EXOC1: variants seen among roughly 807,000 people sequenced by gnomAD.
EXOC1 encodes the protein SEC3-like 1.
Under a neutral mutation model 107.7 loss-of-function variants are expected in EXOC1, and 67 were observed. The observed-to-expected ratio is 0.62, with a 90% CI of 0.51 to 0.76. The LOEUF (loss-of-function observed/expected upper bound fraction) is 0.76. Ranked by LOEUF, EXOC1 falls within the 30% of genes least tolerant of loss-of-function variation. The pLI is 0.00. For missense variants in EXOC1, 833 were observed against 1,055.7 expected (o/e 0.79, Z 2.92); for synonymous variants, 348 against 353.5 (o/e 0.98, Z 0.17).
chr4:55,884,872 G>A (rs982962773), intron 10 of EXOC1, among the ~76,000 whole-genome samples: 1 of 152,090 alleles, frequency 6.6e-6, no homozygotes, highest in African/African-American at 2.4e-5. Flanking sequence ...TCATTAATGG[G>A]TAATTATTCT....
At chr4:55,899,992 C>T (rs17086138) in intron 17 of EXOC1, 108 bp downstream of exon 17, 61,091 of 879,296 alleles carry the variant, frequency 0.069, 2,430 homozygotes, top group Non-Finnish European at 0.077. Flanking sequence ...TGTGTTGGTG[C>T]ACAGGGGACT....
chr4:55,891,098 T>C (rs1724492872), intron 12 of EXOC1, among the ~76,000 whole-genome samples: 1 of 152,184 alleles, frequency 6.6e-6, no homozygotes, highest in Non-Finnish European at 1.5e-5. Context: ...GTGAGTTTTA[T>C]TTTAGGTTTA....
At chr4:55,884,861 G>C (rs1294205043) in intron 10 of EXOC1, among the ~76,000 whole-genome samples, 8 of 152,146 alleles carry the variant, frequency 5.3e-5, no homozygotes, top group Non-Finnish European at 8.8e-5. Flanking sequence ...AGAGAAGACT[G>C]TCATTAATGG....
chr4:55,868,363 G>C lies in EXOC1; in HGVS notation c.443G>C (p.Ser148Thr), dbSNP rs1423309510. The change falls in exon 5 of 19, where the codon AGT becomes ACT. Residue 148 changes from serine to threonine, a missense_variant. Physicochemically the swap from Ser to Thr is moderately conservative, Grantham distance 58. Around this residue, in one of 2 missense-constraint regions of EXOC1, gnomAD observed 617 missense variants for 701.3 expected, o/e 0.88. Coordinates refer to ENST00000381295, the MANE Select transcript of EXOC1 (RefSeq NM_001024924.2). The stretch of plus-strand genomic sequence containing the variant: ...TCTGTTCCAAGTGGAGAAAATCAGA[G>C]TGTGACAGGAGGTGATGAAGAAGTA... ...EESVPSGENQ[S>T]VTGGDEEVVD... The C allele has an allele frequency of 6.2e-7, 1 of 1,612,576 alleles. No individual in the cohort carries two copies. The highest frequency in any genetic ancestry group is 1.3e-5 in the African/African-American group (1 of 74,834).
chr4:55,864,757 T>G (rs527929233), intron 4 of EXOC1, among the ~76,000 whole-genome samples: 25 of 152,230 alleles, frequency 1.6e-4, no homozygotes, highest in Non-Finnish European at 2.8e-4. Context: ...AACATTATTT[T>G]CAGTAGCACC....
intron 10 of EXOC1, 191 bp from the exon 11 acceptor site, chr4:55,888,697 C>G: frequency 1.9e-6 from 1 of 530,782 alleles, no homozygotes. Context: ...AAAGTTTTTT[C>G]TCTCATATAA....
chr4:55,874,273 A>C (rs1453212134), intron 8 of EXOC1, among the ~76,000 whole-genome samples: 1 of 152,186 alleles, frequency 6.6e-6, no homozygotes, highest in Non-Finnish European at 1.5e-5. Flanking sequence ...ATTGATTCTC[A>C]GTCTTTTTAA....
chr4:55,890,447 G>T, intron 12 of EXOC1, 61 bp downstream of exon 12: 1 of 1,499,828 alleles, frequency 6.7e-7, no homozygotes. Context: ...AGCAGTTTGT[G>T]GTTGCTCTAA....
chr4:55,860,637 A>G (rs1209348539), intron 3 of EXOC1, 96 bp downstream of exon 3: 27 of 1,412,114 alleles, frequency 1.9e-5, no homozygotes, highest in Middle Eastern at 3.9e-4. Flanking sequence ...AAACAAATTA[A>G]TATATATGTT....
rs562494844 is a variant in EXOC1 at position 55,892,854 on chromosome 4, C to T, written c.1724+143C>T. The T allele has an allele frequency of 9.1e-5, 63 of 689,774 alleles. 2 individuals carry two copies. The South Asian group carries it at 1.2e-3, about 13-fold the overall frequency. The allele number at this position is 689,774 out of a possible 1,614,324, so 42.7% of individuals were successfully genotyped here. A position where few individuals can be genotyped will look rare whatever the true frequency, so the allele number is the denominator to read the frequency against. The stretch of plus-strand genomic sequence containing the variant: ...CATGTGTGTCCATTGTCTTATCAAA[C>T]GTTTTACTGATTTAAAATAGGGCCT... On this transcript the variant is annotated intron_variant, in intron 14 of 18. Coordinates refer to ENST00000381295, the MANE Select transcript of EXOC1 (RefSeq NM_001024924.2).
rs1721371332 is a variant in EXOC1, at chr4:55,860,478, C to T, written c.192C>T (p.Tyr64=). ...AGAAATCCGATAAGGGAGATTTCTA[C>T]AAAAGGCAGATTGCATGGGCCCTTC... ...KVKKSDKGDF[Y]KRQIAWALRD... is the part of the protein sequence containing the mutation. The change falls in exon 3 of 19, where the codon TAC becomes TAT. Residue 64 remains tyrosine (Y), a synonymous_variant. Transcript: ENST00000381295. 2 of 1,614,066 alleles carry T rather than the reference C, an allele frequency of 1.2e-6. No homozygotes were observed. Among genetic ancestry groups the T allele is most frequent in the Non-Finnish European group, 1.7e-6 (2 of 1,179,962 alleles).
intron 9 of EXOC1, 138 bp from the exon 10 acceptor site, chr4:55,883,684 CT>C (rs1203538505): frequency 2.0e-5 from 10 of 493,798 alleles, no homozygotes; most frequent in Non-Finnish European, 3.6e-5. Flanking sequence ...AGAAAGTAAC[CT>C]ATTTTTATAT....
intron 1 of EXOC1, among the ~76,000 whole-genome samples, chr4:55,857,054 A>G (rs780623349): frequency 6.6e-6 from 1 of 151,874 alleles, no homozygotes; most frequent in East Asian, 1.9e-4. Context: ...GATATTTCAT[A>G]TAAATGGAAT....
At chr4:55,879,229 T>C (rs1004942947) in intron 9 of EXOC1, among the ~76,000 whole-genome samples, 1 of 152,222 alleles carries the variant, frequency 6.6e-6, no homozygotes, top group Admixed American at 6.5e-5. Flanking sequence ...GAGTACGTAT[T>C]CTAGAGGAGA....
rs1394498251 is a variant in EXOC1, at chr4:55,853,748, C to T, written c.-216C>T. 6.6e-6 allele frequency: 1 copy of T among 152,308 alleles called. No individual in the cohort carries two copies. The highest frequency in any genetic ancestry group is 2.4e-5 in the African/African-American group (1 of 41,468). The allele number at this position is 152,308 out of a possible 1,614,324, so 9.4% of individuals were successfully genotyped here. ...TATCCTAGTGGCCCCCATCCGGTCT[C>T]CGTTTTGGAAGACCCGCCTCGGCAC... On this transcript the variant is annotated 5_prime_UTR_variant, in exon 1 of 19. Coordinates refer to ENST00000381295, the MANE Select transcript of EXOC1 (RefSeq NM_001024924.2).
At position 55,864,392 on chromosome 4, in the gene EXOC1, G is replaced by A; in HGVS notation, c.415+6G>A. 1 of 1,595,578 alleles carries A rather than the reference G, an allele frequency of 6.3e-7. No homozygotes were observed. Among genetic ancestry groups the A allele is most frequent in the Non-Finnish European group, 8.5e-7 (1 of 1,173,134 alleles). On this transcript the variant is annotated splice_donor_region_variant and intron_variant, in intron 4 of 18. Transcript: ENST00000381295. ...TAGCTCACAGCTTTTGGAAGGTAAAGTTAAATAAAAATGTATATGTAAAAT... is the reference window on the plus strand; with the variant it reads ...TAGCTCACAGCTTTTGGAAGGTAAAATTAAATAAAAATGTATATGTAAAAT...
chr4:55,894,860 G>A (rs998534233), intron 15 of EXOC1, among the ~76,000 whole-genome samples: 1 of 151,920 alleles, frequency 6.6e-6, no homozygotes, highest in Non-Finnish European at 1.5e-5. Context: ...AACCTCAGGT[G>A]ATCTGCCCAC....
rs1256126156 is a variant in EXOC1 at position 55,899,722 on chromosome 4, G to C, written c.2175G>C (p.Arg725Ser). 2 of 1,613,458 alleles carry C rather than the reference G, an allele frequency of 1.2e-6. No homozygotes were observed. The highest frequency in any genetic ancestry group is 4.5e-5 in the East Asian group (2 of 44,824). Residue 725 changes from arginine to serine, a missense_variant, in exon 17 of 19, where the codon AGG (arginine) becomes AGC (serine). Physicochemically the swap from Arg to Ser is moderately radical, Grantham distance 110 (BLOSUM62 -1). Coordinates refer to ENST00000381295, the MANE Select transcript of EXOC1 (RefSeq NM_001024924.2). ...KVANESQKTPRDVVMMENFHH... is the reference protein window; with the variant it reads ...KVANESQKTPSDVVMMENFHH... The stretch of plus-strand genomic sequence containing the variant: ...CAAATGAAAGCCAGAAGACCCCCAG[G>C]GATGTGGTTATGATGGAAAACTTTC...
chr4:55,864,735 A>T (rs1203486163), intron 4 of EXOC1, among the ~76,000 whole-genome samples: 1 of 152,192 alleles, frequency 6.6e-6, no homozygotes, highest in Non-Finnish European at 1.5e-5. Context: ...CATGTTGTTG[A>T]ATACTTACCC....
Sources: allele counts gnomAD v4.1 joint callset (sites outside exome capture counted in the v4.1 genomes callset), GRCh38; gene constraint gnomAD v4.1.1; regional missense constraint gnomAD v4.1.1; transcripts MANE v1.5; gene names NCBI Gene and HGNC (gene_info 2026-07-23, HGNC 2026-07-21).